The following RAD52 variants were observed in gnomAD, a reference collection of about 807,000 sequenced individuals.
RAD52 encodes the protein RAD52 DNA repair protein.
A neutral mutation model predicts 55.5 loss-of-function variants in RAD52; 47 were observed. The ratio of observed to expected loss-of-function variants is 0.85; its 90% CI spans 0.67 to 1.08. The LOEUF (loss-of-function observed/expected upper bound fraction) is 1.08, where lower values mean the gene tolerates loss of function less well. Among genes scored for constraint, RAD52 ranks in the 50% least tolerant of loss-of-function variants. RAD52 has a pLI of 0.00. For missense variants in RAD52, 468 were observed against 522.8 expected (o/e 0.90, Z 1.02); for synonymous variants, 184 against 198.9 (o/e 0.92, Z 0.63).
chr12:964,258 GA>G (rs1268120201), intron 1 of RAD52, among the ~76,000 whole-genome samples: 1 of 152,228 alleles, frequency 6.6e-6, no homozygotes, highest in Non-Finnish European at 1.5e-5. Context: ...AAGGTGGGGG[GA>G]AAGATGTTAA....
intron 5 of RAD52, among the ~76,000 whole-genome samples, chr12:928,910 C>T (rs1489417265): frequency 6.6e-6 from 1 of 151,932 alleles, no homozygotes; most frequent in Non-Finnish European, 1.5e-5. Context: ...TTTTTTCCAC[C>T]CAGGAGTTCA....
intron 1 of RAD52, among the ~76,000 whole-genome samples, chr12:973,197 GTAGCT>G (rs1958889785): frequency 6.6e-6 from 1 of 151,984 alleles, no homozygotes; most frequent in South Asian, 2.1e-4. Flanking sequence ...AGCCTCCCAA[GTAGCT>G]GGGACTACAG....
chr12:928,885 C>G (rs565833311), intron 5 of RAD52, among the ~76,000 whole-genome samples: 4 of 151,970 alleles, frequency 2.6e-5, no homozygotes, highest in Admixed American at 6.6e-5. Flanking sequence ...GTAAGGCTAC[C>G]GATAAAACTT....
chr12:941,565 G>A (rs1957922196), intron 1 of RAD52, among the ~76,000 whole-genome samples: 2 of 151,956 alleles, frequency 1.3e-5, no homozygotes, highest in Middle Eastern at 3.4e-3. Flanking sequence ...TGATCCACCC[G>A]GCTCAGCCTC....
At chr12:981,228 G>A (rs953758307) in intron 1 of RAD52, among the ~76,000 whole-genome samples, 6 of 151,880 alleles carry the variant, frequency 4.0e-5, no homozygotes, top group African/African-American at 1.5e-4. Context: ...AGCTACTTGG[G>A]AAGCTGAGGT....
chr12:917,277 G>A (rs1222663080), intron 7 of RAD52, among the ~76,000 whole-genome samples: 1 of 152,194 alleles, frequency 6.6e-6, no homozygotes, highest in East Asian at 1.9e-4. Context: ...GAACCCTTGG[G>A]AGGCACGGAC....
At chr12:965,998 T>A (rs1958761665) in intron 1 of RAD52, among the ~76,000 whole-genome samples, 1 of 151,710 alleles carries the variant, frequency 6.6e-6, no homozygotes, top group African/African-American at 2.4e-5. Flanking sequence ...GTTTTTTGAG[T>A]CAGGATCTCC....
At chr12:967,816 G>A (rs575899143) in intron 1 of RAD52, among the ~76,000 whole-genome samples, 1 of 151,964 alleles carries the variant, frequency 6.6e-6, no homozygotes, top group Non-Finnish European at 1.5e-5. Flanking sequence ...CACGTCTGTA[G>A]TCCCAGCTAT....
At chr12:941,776 A>G (rs949125489) in intron 1 of RAD52, among the ~76,000 whole-genome samples, 18 of 151,944 alleles carry the variant, frequency 1.2e-4, no homozygotes, top group Non-Finnish European at 2.5e-4. Context: ...AGCTGAGACT[A>G]CAGGCACCTG....
rs1015397317 is a variant in RAD52, at chr12:968,300, C to T, written c.-19+21509G>A. Among the ~76,000 whole-genome samples, 3 of 152,032 alleles carry T rather than the reference C, an allele frequency of 2.0e-5. No individual in the cohort carries two copies. In the South Asian group the frequency reaches 6.2e-4, roughly 31 times the overall value. On this transcript the variant is annotated intron_variant, in intron 1 of 11. Coordinates refer to the RAD52 transcript ENST00000430095. ...GGCATTTTAACTATCCTATTTCCAT[C>T]CCCCTTTCTCCAGCTCCCTGGCAGC...
intron 9 of RAD52, among the ~76,000 whole-genome samples, chr12:915,914 G>A (rs925040032): frequency 7.9e-5 from 12 of 152,108 alleles, no homozygotes; most frequent in African/African-American, 2.7e-4. Context: ...ACGGGGTTTC[G>A]CCATGATGGC....
chr12:930,008 GC>G (rs1320859812), intron 4 of RAD52, 42 bp downstream of exon 4: 9 of 1,590,964 alleles, frequency 5.7e-6, no homozygotes, highest in Non-Finnish European at 7.8e-6. Flanking sequence ...TTCAGCAGGA[GC>G]TGGACAGTGC....
At chr12:916,529 G>A (rs1956389533) in intron 8 of RAD52, 46 bp from the exon 9 acceptor site, 1 of 1,605,304 alleles carries the variant, frequency 6.2e-7, no homozygotes, top group Non-Finnish European at 8.5e-7. Flanking sequence ...AGCAACAGCC[G>A]CGGCTGCTGG....
At chr12:956,471 C>T (rs942006179) in intron 1 of RAD52, among the ~76,000 whole-genome samples, 17 of 152,264 alleles carry the variant, frequency 1.1e-4, no homozygotes, top group African/African-American at 4.1e-4. Flanking sequence ...ATTTCTAATC[C>T]TTTTGTTAAC....
intron 7 of RAD52, among the ~76,000 whole-genome samples, chr12:924,984 T>A (rs1956947006): frequency 1.4e-5 from 2 of 147,142 alleles, no homozygotes; most frequent in South Asian, 4.3e-4. Context: ...GGAGTCTGGC[T>A]CTGTCGCCCA....
At chr12:934,924 C>A (rs539482511) in intron 1 of RAD52, among the ~76,000 whole-genome samples, 10 of 152,084 alleles carry the variant, frequency 6.6e-5, no homozygotes, top group Non-Finnish European at 1.5e-4. Context: ...ATCAGCCTGA[C>A]CAACATAGTG....
intron 1 of RAD52, among the ~76,000 whole-genome samples, chr12:961,139 C>A (rs909641444): frequency 6.6e-6 from 1 of 151,220 alleles, no homozygotes; most frequent in Non-Finnish European, 1.5e-5. Flanking sequence ...TATGGTGAAA[C>A]CCCGTACTAA....
chr12:929,635 A>G (rs372528649), intron 5 of RAD52, 184 bp downstream of exon 5: 17 of 781,308 alleles, frequency 2.2e-5, no homozygotes, highest in Non-Finnish European at 3.5e-5. Flanking sequence ...GCAAGAGAAC[A>G]GTTTTTCCAT....
At chr12:952,027 G>A (rs547419412), upstream of RAD52, among the ~76,000 whole-genome samples, 14 of 152,014 alleles carry the variant, frequency 9.2e-5, no homozygotes, top group East Asian at 1.9e-4. Context: ...GCAGTGGCAC[G>A]GTCATAGCTC....
Sources: gnomAD v4.1 joint callset for allele counts (sites outside exome capture counted in the v4.1 genomes callset) on GRCh38, gnomAD v4.1.1 for gene constraint, MANE v1.5 for transcripts, NCBI Gene and HGNC (gene_info 2026-07-23, HGNC 2026-07-21) for gene names.